PI15: variants seen among roughly 807,000 people sequenced by gnomAD.
PI15 encodes the protein peptidase inhibitor 15, also known as 25 kDa trypsin inhibitor.
A neutral mutation model predicts 31.0 loss-of-function variants in PI15; 18 were observed. That is an observed-to-expected ratio of 0.58 (90% CI 0.40 to 0.86). PI15 has a LOEUF of 0.86. Ranked by LOEUF, PI15 falls within the 40% of genes least tolerant of loss-of-function variation. The pLI, the probability that PI15 is intolerant of heterozygous loss-of-function variation, is 0.00. For missense variants in PI15, 282 were observed against 328.1 expected (o/e 0.86, Z 1.09); for synonymous variants, 118 against 119.1 (o/e 0.99, Z 0.06).
At position 74,843,995 on chromosome 8, in the gene PI15, T is replaced by C; in HGVS notation, c.288T>C (p.Asn96=). ...ANMEYMVWDE[N]LAKSAEAWAA... is the part of the protein sequence containing the mutation. Reference sequence around the variant, plus strand: ...TTCCCCTACAGGTTTGGGATGAAAATCTTGCAAAATCGGCAGAGGCTTGGG... The same window carrying C: ...TTCCCCTACAGGTTTGGGATGAAAACCTTGCAAAATCGGCAGAGGCTTGGG... Residue 96 remains asparagine (N), a synonymous_variant, in exon 3 of 6, where the codon AAT becomes AAC. Transcript: ENST00000260113. 6.3e-7 allele frequency: 1 copy of C among 1,584,548 alleles called. No homozygotes were observed. The highest frequency in any genetic ancestry group is 8.7e-7 in the Non-Finnish European group (1 of 1,153,052).
intron 5 of PI15, among the ~76,000 whole-genome samples, chr8:74,846,357 A>G (rs1811026785): frequency 6.6e-6 from 1 of 152,226 alleles, no homozygotes; most frequent in African/African-American, 2.4e-5. Context: ...TAATTATTAG[A>G]ATGGGAAGAT....
At chr8:74,844,611 A>G (rs1810997299) in intron 3 of PI15, among the ~76,000 whole-genome samples, 1 of 152,092 alleles carries the variant, frequency 6.6e-6, no homozygotes, top group Non-Finnish European at 1.5e-5. Flanking sequence ...AGCTATTCCC[A>G]TTTGCTAGGA....
rs902239149 is a variant in PI15 at position 74,850,689 on chromosome 8, T to C, written c.*1436T>C. 8 of 152,184 alleles carry C rather than the reference T, an allele frequency of 5.3e-5. No homozygotes were observed. Among genetic ancestry groups the C allele is most frequent in the African/African-American group, 1.4e-4 (6 of 41,460 alleles). The allele number at this position is 152,184 out of a possible 1,614,324, so 9.4% of individuals were successfully genotyped here. A position where few individuals can be genotyped will look rare whatever the true frequency, so the allele number is the denominator to read the frequency against. On this transcript the variant is annotated 3_prime_UTR_variant, in exon 6 of 6. Transcript: ENST00000260113. ...TAGAAGAAACATTTTCAGTTCTTCATTGAGTTTGATTATGGAAATCCATTC... is the reference window on the plus strand; with the variant it reads ...TAGAAGAAACATTTTCAGTTCTTCACTGAGTTTGATTATGGAAATCCATTC...
chr8:74,843,873 C>A (rs1453669285), intron 2 of PI15, 108 bp from the exon 3 acceptor site: 3 of 736,666 alleles, frequency 4.1e-6, no homozygotes, highest in Admixed American at 2.0e-5. Context: ...CAAAAACAAA[C>A]AAACAGACAA....
rs543104021 is a variant in PI15 at position 74,833,481 on chromosome 8, C to G, written c.273+7959C>G. ...ATCCATTTTCACTTTACCTGATTGC[C>G]TGGTTAGTTGAGATTAATTCTTGAT... On this transcript the variant is annotated intron_variant, in intron 2 of 5. Transcript: ENST00000260113. Among the ~76,000 whole-genome samples the G allele has an allele frequency of 3.3e-5, 5 of 151,948 alleles. No individual in the cohort carries two copies. The South Asian group carries it at 1.0e-3, about 32-fold the overall frequency.
At position 74,851,680 on chromosome 8, in the gene PI15, T is replaced by G. The variant is rs1169709875; in HGVS notation, c.*2427T>G. The stretch of plus-strand genomic sequence containing the variant: ...AATAAATGCTTATATGAATGGATTT[T>G]TAGAATTAACTAAGAAGCCAAAAAT... On this transcript the variant is annotated 3_prime_UTR_variant, in exon 6 of 6. Transcript: ENST00000260113. The G allele has an allele frequency of 1.3e-5, 2 of 152,086 alleles. No homozygotes were observed. The highest frequency in any genetic ancestry group is 2.9e-5 in the Non-Finnish European group (2 of 67,962). 9.4% of individuals were successfully genotyped at this position (152,086 alleles called of 1,614,324 possible). A position where few individuals can be genotyped will look rare whatever the true frequency, so the allele number is the denominator to read the frequency against.
Position 74,825,199 on chromosome 8 carries a change from CT to C in PI15, c.-40-10del, listed in dbSNP as rs755455872. On this transcript the variant is annotated splice_polypyrimidine_tract_variant and intron_variant, in intron 1 of 5. Coordinates refer to ENST00000260113, the MANE Select transcript of PI15 (RefSeq NM_015886.5). ...TTTCATAGACCCTAACTCTACCTTT[CT>C]GCTTTAAAGCAAAGTAAACTCGGTG... is the stretch of plus-strand genomic sequence containing the variant. 1 of 1,567,690 alleles carries C rather than the reference CT, an allele frequency of 6.4e-7. No individual in the cohort carries two copies. The highest frequency in any genetic ancestry group is 8.8e-7 in the Non-Finnish European group (1 of 1,142,156).
At chr8:74,825,098 A>AT in intron 1 of PI15, 112 bp from the exon 2 acceptor site, 1 of 709,350 alleles carries the variant, frequency 1.4e-6, no homozygotes, top group Non-Finnish European at 2.4e-6. Flanking sequence ...ATTTGTTTGG[A>AT]TTTTTGAAGA....
intron 5 of PI15, among the ~76,000 whole-genome samples, chr8:74,846,474 T>C (rs1189440222): frequency 6.6e-6 from 1 of 152,202 alleles, no homozygotes; most frequent in Non-Finnish European, 1.5e-5. Flanking sequence ...CCTTTACCCT[T>C]TCTCCCTGAC....
rs368368577 is a variant in PI15, at chr8:74,834,400, A to G, written c.273+8878A>G. ...TAGAGCATCCAGTCTCAGAATGTAT[A>G]TTAAGAGGGAAGAAAACCTATATGT... On this transcript the variant is annotated intron_variant, in intron 2 of 5. Transcript: ENST00000260113. 3.9e-4 allele frequency among the ~76,000 whole-genome samples: 60 copies of G among 152,326 alleles called. 1 individual carries two copies. The South Asian group carries it at 7.5e-3, about 19-fold the overall frequency.
Position 74,825,315 on chromosome 8 carries a change from C to T in PI15, c.66C>T (p.Val22=), listed in dbSNP as rs889072183. The T allele has an allele frequency of 3.1e-6, 5 of 1,612,928 alleles. No individual in the cohort carries two copies. The highest frequency in any genetic ancestry group is 1.1e-5 in the South Asian group (1 of 91,070). ...LFSLLCEAST[V]VLLNSTDSSP... is the part of the protein sequence containing the mutation. ...CCCTTCTCTGTGAAGCAAGTACCGT[C>T]GTCCTACTCAATTCCACTGACTCAT... The change falls in exon 2 of 6, where the codon GTC becomes GTT. Residue 22 remains valine, a synonymous_variant. Coordinates refer to ENST00000260113, the MANE Select transcript of PI15 (RefSeq NM_015886.5).
rs1398240473 is a variant in PI15, at chr8:74,849,837, C to A, written c.*584C>A. 1 of 152,106 alleles carries A rather than the reference C, an allele frequency of 6.6e-6. No individual in the cohort carries two copies. The highest frequency in any genetic ancestry group is 1.5e-5 in the Non-Finnish European group (1 of 68,014). 9.4% of individuals were successfully genotyped at this position (152,106 alleles called of 1,614,324 possible). A position where few individuals can be genotyped will look rare whatever the true frequency, so the allele number is the denominator to read the frequency against. On this transcript the variant is annotated 3_prime_UTR_variant, in exon 6 of 6. Coordinates refer to ENST00000260113, the MANE Select transcript of PI15 (RefSeq NM_015886.5). The stretch of plus-strand genomic sequence containing the variant: ...TGGAAATAATAATTCAATTAAGCAA[C>A]CACGAATTTCACCCTGGAGATATTT...
In PI15 at chr8:74,850,208, C is replaced by T. The variant is rs1429603320; in HGVS notation, c.*955C>T. The T allele has an allele frequency of 6.6e-6, 1 of 152,158 alleles. No homozygotes were observed. Among genetic ancestry groups the T allele is most frequent in the Non-Finnish European group, 1.5e-5 (1 of 68,028 alleles). The allele number at this position is 152,158 out of a possible 1,614,324, so 9.4% of individuals were successfully genotyped here. ...TCTGCTTCTCATGGGAATTTAGTTACAGTGCTTGGAATGAGAAGGGGAAGG... is the reference window on the plus strand; with the variant it reads ...TCTGCTTCTCATGGGAATTTAGTTATAGTGCTTGGAATGAGAAGGGGAAGG... On this transcript the variant is annotated 3_prime_UTR_variant, in exon 6 of 6. Coordinates refer to ENST00000260113, the MANE Select transcript of PI15 (RefSeq NM_015886.5).
In PI15 at chr8:74,844,078, A is replaced by G. The variant is rs373601795; in HGVS notation, c.371A>G (p.Asn124Ser). The change falls in exon 3 of 6, where the codon AAT becomes AGT. Residue 124 changes from asparagine to serine, a missense_variant. Physicochemically the swap from Asn to Ser is conservative, Grantham distance 46. Coordinates refer to ENST00000260113, the MANE Select transcript of PI15 (RefSeq NM_015886.5). Reference sequence around the variant, plus strand: ...TACTTACTGAGATTTTTGGGCCAAAATCTATCTGTACGCACTGGAAGGTAG... The same window carrying G: ...TACTTACTGAGATTTTTGGGCCAAAGTCTATCTGTACGCACTGGAAGGTAG... ...PSYLLRFLGQNLSVRTGRYRS... is the reference protein window; with the variant it reads ...PSYLLRFLGQSLSVRTGRYRS... 1.4e-5 allele frequency: 21 copies of G among 1,530,684 alleles called. No homozygotes were observed. Among genetic ancestry groups the G allele is most frequent in the Admixed American group, 1.7e-5 (1 of 59,872 alleles). The allele number at this position is 1,530,684 out of a possible 1,614,324, so 94.8% of individuals were successfully genotyped here.
chr8:74,833,949 G>C (rs1006508790), intron 2 of PI15, among the ~76,000 whole-genome samples: 16 of 152,286 alleles, frequency 1.1e-4, no homozygotes, highest in African/African-American at 3.8e-4. Context: ...TCCGCCTCCT[G>C]TCAGATCAGT....
chr8:74,825,126 G>A, intron 1 of PI15, 84 bp from the exon 2 acceptor site: 1 of 785,658 alleles, frequency 1.3e-6, no homozygotes, highest in Non-Finnish European at 2.1e-6. Flanking sequence ...ATCAAGCAAT[G>A]CTCCCAAATG....
At chr8:74,835,303 T>C (rs1230374963) in intron 2 of PI15, among the ~76,000 whole-genome samples, 2 of 152,170 alleles carry the variant, frequency 1.3e-5, no homozygotes, top group African/African-American at 4.8e-5. Context: ...TCCGTGAACA[T>C]AGAACCACTT....
chr8:74,846,664 C>A (rs1811031434), intron 5 of PI15, among the ~76,000 whole-genome samples: 1 of 152,046 alleles, frequency 6.6e-6, no homozygotes, highest in Non-Finnish European at 1.5e-5. Context: ...TAATAAAGAA[C>A]AATTTTTCTG....
chr8:74,846,738 C>A (rs896748079), intron 5 of PI15, among the ~76,000 whole-genome samples: 5 of 151,618 alleles, frequency 3.3e-5, no homozygotes, highest in Middle Eastern at 3.4e-3. Context: ...TCTTCCAAAC[C>A]TAATATGAAA....
Sources: allele counts gnomAD v4.1 joint callset (sites outside exome capture counted in the v4.1 genomes callset), GRCh38; gene constraint gnomAD v4.1.1; transcripts MANE v1.5; gene names NCBI Gene and HGNC (gene_info 2026-07-23, HGNC 2026-07-21).